The following ZPBP variants were observed in gnomAD, a reference collection of about 807,000 sequenced individuals.
ZPBP encodes the protein zona pellucida-binding protein 1.
In ZPBP, 26 loss-of-function variants were observed where a neutral mutation model predicts 44.8. The ratio of observed to expected loss-of-function variants is 0.58; its 90% confidence interval spans 0.43 to 0.81. The LOEUF is 0.81. Among genes scored for constraint, ZPBP ranks in the 30% least tolerant of loss-of-function variants. The probability of loss-of-function intolerance (pLI) is 0.00; values close to 1 mark genes in which losing one functional copy is unlikely to be tolerated. For synonymous variants in ZPBP, 174 were observed against 153.2 expected, an observed-to-expected ratio of 1.14 and a Z score of -1.00; for missense variants, 409 against 434.0, an observed-to-expected ratio of 0.94 and a Z score of 0.51.
chr7:49,868,436 C>T (rs546446858), intron 2 of ZPBP, among the ~76,000 whole-genome samples: 17 of 152,092 alleles, frequency 1.1e-4, no homozygotes, highest in Non-Finnish European at 1.6e-4. Context: ...TAATTCAGAG[C>T]CACCATGTCT....
downstream of ZPBP, among the ~76,000 whole-genome samples, chr7:49,936,706 TTTGATAAATCCCAA>T (rs1379628848): frequency 1.3e-5 from 2 of 152,254 alleles, no homozygotes; most frequent in Non-Finnish European, 2.9e-5. Context: ...TCTTTTAATT[TTTGATAAATCCCAA>T]TGTGAGACAA....
At chr7:49,936,063 C>T (rs1014878982), downstream of ZPBP, 1 of 152,104 alleles carries the variant, frequency 6.6e-6, no homozygotes, top group South Asian at 2.1e-4. Flanking sequence ...TATTCTAATC[C>T]ATTATTTATT....
intron 1 of ZPBP, among the ~76,000 whole-genome samples, chr7:49,902,690 G>A (rs768993711): frequency 2.6e-5 from 4 of 151,978 alleles, no homozygotes; most frequent in South Asian, 2.1e-4. Context: ...ACTTTAGGAC[G>A]TAGGGCTTCT....
At chr7:49,877,565 T>C (rs550308789) in intron 2 of ZPBP, among the ~76,000 whole-genome samples, 2 of 137,562 alleles carry the variant, frequency 1.5e-5, no homozygotes, top group East Asian at 2.2e-4. Flanking sequence ...TCTTCCTTTT[T>C]TTTATGATTG....
At chr7:49,972,991 C>T (rs1229491490) in intron 7 of ZPBP, among the ~76,000 whole-genome samples, 4 of 151,812 alleles carry the variant, frequency 2.6e-5, no homozygotes, top group Non-Finnish European at 5.9e-5. Context: ...ATTGTCTTTT[C>T]AACAAATGGT....
intron 3 of ZPBP, among the ~76,000 whole-genome samples, chr7:50,059,874 G>A (rs1232485100): frequency 6.6e-6 from 1 of 151,752 alleles, no homozygotes; most frequent in African/African-American, 2.4e-5. Flanking sequence ...AAAGACAAGG[G>A]GGCTCAGAGC....
At chr7:50,009,089 C>A (rs527727097) in intron 6 of ZPBP, among the ~76,000 whole-genome samples, 1 of 151,796 alleles carries the variant, frequency 6.6e-6, no homozygotes, top group African/African-American at 2.4e-5. Context: ...CAAAAAAGAT[C>A]AGCCAGGTGC....
At chr7:49,920,183 G>A (rs534949863) in intron 1 of ZPBP, 108 of 152,174 alleles carry the variant, frequency 7.1e-4, no homozygotes, top group African/African-American at 2.5e-3. Context: ...ACAGAGGTTT[G>A]TCTGAAACAT....
intron 5 of ZPBP, among the ~76,000 whole-genome samples, chr7:50,023,078 G>C (rs1460178565): frequency 6.6e-6 from 1 of 152,054 alleles, no homozygotes; most frequent in Non-Finnish European, 1.5e-5. Flanking sequence ...AGGAGCATCT[G>C]AAGTACAGCT....
chr7:49,979,220 A>G (rs1335935140), intron 7 of ZPBP, among the ~76,000 whole-genome samples: 2 of 152,042 alleles, frequency 1.3e-5, no homozygotes, highest in Non-Finnish European at 2.9e-5. Flanking sequence ...AGAAAGCCGT[A>G]TCACAATTAC....
At chr7:49,980,246 AAT>A (rs1450691072) in intron 7 of ZPBP, among the ~76,000 whole-genome samples, 3 of 123,948 alleles carry the variant, frequency 2.4e-5, no homozygotes, top group South Asian at 4.7e-4. Flanking sequence ...ATATAATATA[AAT>A]ATATAATACA....
intron 3 of ZPBP, among the ~76,000 whole-genome samples, chr7:50,065,669 A>G (rs1801468823): frequency 6.6e-6 from 1 of 150,776 alleles, no homozygotes; most frequent in Non-Finnish European, 1.5e-5. Context: ...TTCTCCACAT[A>G]CATAGTATGA....
intron 7 of ZPBP, 93 bp from the exon 8 acceptor site, chr7:49,937,715 A>T: frequency 2.0e-6 from 2 of 1,010,256 alleles, no homozygotes; most frequent in Non-Finnish European, 3.1e-6. Flanking sequence ...ATAGTTCAGT[A>T]GTATTAAGCA....
intron 6 of ZPBP, among the ~76,000 whole-genome samples, chr7:50,014,486 C>G (rs139556767): frequency 0.054 from 6,694 of 123,208 alleles, 161 homozygotes; most frequent in Middle Eastern, 0.092. Context: ...TTTTTTGAGA[C>G]GAAGTTTCAC....
the ZPBP span, among the ~76,000 whole-genome samples, chr7:49,842,009 G>T: frequency 1.3e-5 from 2 of 152,168 alleles, no homozygotes; most frequent in East Asian, 3.9e-4. Flanking sequence ...TGGGATTACA[G>T]GTGCTCGCCA....
intron 4 of ZPBP, among the ~76,000 whole-genome samples, chr7:50,048,606 AAAGAT>A (rs1206417135): frequency 1.1e-4 from 17 of 152,256 alleles, no homozygotes; most frequent in African/African-American, 2.9e-4. Flanking sequence ...GAAAAAATCA[AAAGAT>A]AAGTTAGAAA....
intron 7 of ZPBP, among the ~76,000 whole-genome samples, chr7:49,983,118 T>C (rs1294428600): frequency 6.6e-6 from 1 of 152,046 alleles, no homozygotes; most frequent in Non-Finnish European, 1.5e-5. Flanking sequence ...AACTGCCTAA[T>C]GATCCTAAAC....
intron 6 of ZPBP, among the ~76,000 whole-genome samples, chr7:49,997,169 T>C (rs1452987359): frequency 6.6e-6 from 1 of 152,146 alleles, no homozygotes; most frequent in African/African-American, 2.4e-5. Flanking sequence ...AGCATTCCAA[T>C]CTCCCTAAAC....
In ZPBP at chr7:49,963,820, T is replaced by C. The variant is rs138478518; in HGVS notation, c.961+19522A>G. On this transcript the variant is annotated intron_variant, in intron 7 of 7. Coordinates refer to ENST00000046087, the MANE Select transcript of ZPBP (RefSeq NM_007009.3). ...AAACATTTAAGGACAAAAATTGTTA[T>C]TATGGGCTTATTTTTTCAGAATACA... 2.6e-5 allele frequency among the ~76,000 whole-genome samples: 4 copies of C among 151,978 alleles called. No homozygotes were observed. In the East Asian group the frequency reaches 7.7e-4, roughly 29 times the overall value.
Sources: gnomAD v4.1 joint callset for allele counts (sites outside exome capture counted in the v4.1 genomes callset) on GRCh38, gnomAD v4.1.1 for gene constraint, MANE v1.5 for transcripts, NCBI Gene and HGNC (gene_info 2026-07-23, HGNC 2026-07-21) for gene names.